Variants in HEY2 observed in about 807,000 individuals in gnomAD.
The protein encoded by HEY2 is hairy/enhancer-of-split related with YRPW motif protein 2.
HEY2 carries 10 observed loss-of-function variants against 18.1 expected under a neutral mutation model. The observed-to-expected ratio is 0.55, with a 90% CI of 0.34 to 0.94. The LOEUF is 0.94. Among genes scored for constraint, HEY2 ranks in the 40% least tolerant of loss-of-function variants. The probability of loss-of-function intolerance (pLI) is 0.02; values close to 1 mark genes in which losing one functional copy is unlikely to be tolerated. For missense variants in HEY2, 455 were observed against 455.9 expected (o/e 1.00, Z 0.02); for synonymous variants, 210 against 182.7 (o/e 1.15, Z -1.21).
At position 125,759,547 on chromosome 6, in the gene HEY2, C is replaced by T; in HGVS notation, c.759C>T (p.Leu253=). 6.2e-7 allele frequency: 1 copy of T among 1,611,040 alleles called. No individual in the cohort carries two copies. The highest frequency in any genetic ancestry group is 8.5e-7 in the Non-Finnish European group (1 of 1,179,922). The change falls in exon 5 of 5, where the codon CTC becomes CTT. Residue 253 remains leucine, a synonymous_variant. Coordinates refer to ENST00000368364, the MANE Select transcript of HEY2 (RefSeq NM_012259.3). ...TGSVAPCVPP[L]STSLLSLSAT... ...GCGTCGCCCCCTGCGTGCCACCTCT[C>T]TCCACCTCTCTCTTGTCCCTCTCTG...
Position 125,759,606 on chromosome 6 carries a change from C to T in HEY2, c.818C>T (p.Ala273Val), listed in dbSNP as rs767509095. 6.2e-7 allele frequency: 1 copy of T among 1,610,616 alleles called. No individual in the cohort carries two copies. The highest frequency in any genetic ancestry group is 8.5e-7 in the Non-Finnish European group (1 of 1,179,794). Residue 273 changes from alanine to valine, a missense_variant, in exon 5 of 5, where the codon GCG (alanine) becomes GTG (valine). By Grantham distance (64) the Ala-to-Val change is moderately conservative. Coordinates refer to ENST00000368364, the MANE Select transcript of HEY2 (RefSeq NM_012259.3). The part of the protein sequence containing the change: ...TVHAAAAAAT[A>V]AAHSFPLSFA... ...CACGCCGCAGCCGCAGCAGCCACCGCGGCTGCACACAGCTTCCCTCTGTCC... is the reference window on the plus strand; with the variant it reads ...CACGCCGCAGCCGCAGCAGCCACCGTGGCTGCACACAGCTTCCCTCTGTCC...
intron 1 of HEY2, among the ~76,000 whole-genome samples, chr6:125,750,744 T>C (rs147376532): frequency 4.1e-4 from 62 of 152,272 alleles, no homozygotes; most frequent in African/African-American, 1.5e-3. Context: ...TGTTGTGCCG[T>C]CTTTAAAAAT....
chr6:125,750,976 A>G (rs550966073), intron 1 of HEY2, among the ~76,000 whole-genome samples: 1 of 152,312 alleles, frequency 6.6e-6, no homozygotes, highest in East Asian at 1.9e-4. Context: ...ATGAAGAGAA[A>G]CAGATACAAA....
chr6:125,758,297 T>C (rs982823338), intron 4 of HEY2, among the ~76,000 whole-genome samples: 1 of 152,224 alleles, frequency 6.6e-6, no homozygotes, highest in Non-Finnish European at 1.5e-5. Context: ...TAGGAGTGCA[T>C]GCATATACAC....
At chr6:125,749,905 G>C (rs1387003747) in intron 1 of HEY2, 46 bp downstream of exon 1, 10 of 1,471,782 alleles carry the variant, frequency 6.8e-6, no homozygotes, top group Non-Finnish European at 8.4e-6. Flanking sequence ...GGGAGCTTGG[G>C]GTAGCTTTGT....
intron 1 of HEY2, among the ~76,000 whole-genome samples, chr6:125,751,041 A>G (rs1773534035): frequency 6.6e-6 from 1 of 152,260 alleles, no homozygotes; most frequent in African/African-American, 2.4e-5. Flanking sequence ...TGAACCTTCA[A>G]TATAAAAATA....
intron 2 of HEY2, 24 bp from the exon 3 acceptor site, chr6:125,751,983 T>C (rs370671117): frequency 5.6e-5 from 90 of 1,604,674 alleles, no homozygotes; most frequent in Non-Finnish European, 7.3e-5. Context: ...TCATAAACTT[T>C]TGTTGTTTGC....
intron 3 of HEY2, among the ~76,000 whole-genome samples, chr6:125,753,257 G>T (rs1167673960): frequency 6.6e-6 from 1 of 152,158 alleles, no homozygotes; most frequent in Non-Finnish European, 1.5e-5. Context: ...GTACTGAAAT[G>T]TCTGCAGTTA....
chr6:125,751,176 T>C (rs1773536407), intron 1 of HEY2, among the ~76,000 whole-genome samples: 1 of 152,242 alleles, frequency 6.6e-6, no homozygotes, highest in South Asian at 2.1e-4. Context: ...AAATGAGTTT[T>C]AATTTTCCTA....
At chr6:125,757,322 C>T (rs1003117054) in intron 4 of HEY2, among the ~76,000 whole-genome samples, 17 of 152,220 alleles carry the variant, frequency 1.1e-4, no homozygotes, top group African/African-American at 3.9e-4. Flanking sequence ...TCAGGAATAG[C>T]TTTTCATCCT....
intron 1 of HEY2, among the ~76,000 whole-genome samples, chr6:125,750,729 A>G (rs1773528000): frequency 6.6e-6 from 1 of 152,250 alleles, no homozygotes; most frequent in African/African-American, 2.4e-5. Flanking sequence ...TGATCATTAA[A>G]GTGTTGTTGT....
chr6:125,754,718 G>C (rs545701475), intron 4 of HEY2, among the ~76,000 whole-genome samples, 172 bp downstream of exon 4: 2 of 152,144 alleles, frequency 1.3e-5, no homozygotes. Flanking sequence ...GATTGAACTC[G>C]TGGGAAAGAA....
chr6:125,759,877 A>C lies in HEY2; in HGVS notation c.*75A>C. The C allele has an allele frequency of 8.0e-7, 1 of 1,244,766 alleles. No homozygotes were observed. The highest frequency in any genetic ancestry group is 1.3e-5 in the South Asian group (1 of 74,266). The allele number at this position is 1,244,766 out of a possible 1,614,324, so 77.1% of individuals were successfully genotyped here. ...GTCAGCTTAAAACCTCTGCACCCTG[A>C]AGGTAGCCATACAGATGCCGACAGA... On this transcript the variant is annotated 3_prime_UTR_variant, in exon 5 of 5. Transcript: ENST00000368364.
At chr6:125,753,367 T>G (rs1773589043) in intron 3 of HEY2, among the ~76,000 whole-genome samples, 1 of 152,168 alleles carries the variant, frequency 6.6e-6, no homozygotes, top group South Asian at 2.1e-4. Flanking sequence ...TGTTTGGCAG[T>G]TAGTTACCAT....
At chr6:125,753,864 G>GA (rs912485812) in intron 3 of HEY2, among the ~76,000 whole-genome samples, 6 of 151,982 alleles carry the variant, frequency 3.9e-5, no homozygotes, top group East Asian at 1.9e-4. Flanking sequence ...AATTATTGGG[G>GA]AAAAAAACCT....
intron 1 of HEY2, among the ~76,000 whole-genome samples, chr6:125,750,071 C>T (rs1007046686): frequency 1.2e-4 from 19 of 152,076 alleles, no homozygotes; most frequent in Admixed American, 1.2e-3. Context: ...GGTGGAGTAG[C>T]CAGGATGGGA....
chr6:125,751,933 G>T (rs1340160046), intron 2 of HEY2, 54 bp downstream of exon 2: 20 of 1,581,920 alleles, frequency 1.3e-5, no homozygotes, highest in Non-Finnish European at 1.7e-5. Flanking sequence ...TTGTGTAACA[G>T]TTACATTTTT....
intron 3 of HEY2, 23 bp downstream of exon 3, chr6:125,752,113 T>TAA: frequency 7.9e-7 from 1 of 1,258,324 alleles, no homozygotes; most frequent in Non-Finnish European, 1.1e-6. Flanking sequence ...CTCCCCAGAA[T>TAA]CCCCCCACCC....
In HEY2 at chr6:125,760,738, T is replaced by C. The variant is rs952525066; in HGVS notation, c.*936T>C. 2 of 152,614 alleles carry C rather than the reference T, an allele frequency of 1.3e-5. No homozygotes were observed. Among genetic ancestry groups the C allele is most frequent in the Non-Finnish European group, 2.9e-5 (2 of 68,032 alleles). The allele number at this position is 152,614 out of a possible 1,614,324, so 9.5% of individuals were successfully genotyped here. On this transcript the variant is annotated 3_prime_UTR_variant, in exon 5 of 5. Transcript: ENST00000368364. The stretch of plus-strand genomic sequence containing the variant: ...CATTAGGACTATTTTTATATATTTA[T>C]CCTCTTCATTTTCTCCTAATGATGC...
Sources: gnomAD v4.1 joint callset for allele counts (sites outside exome capture counted in the v4.1 genomes callset) on GRCh38, gnomAD v4.1.1 for gene constraint, MANE v1.5 for transcripts, NCBI Gene and HGNC (gene_info 2026-07-23, HGNC 2026-07-21) for gene names.